MLXIPL: variants seen among roughly 807,000 people sequenced by gnomAD.
The protein encoded by MLXIPL is MLX interacting protein like.
MLXIPL carries 49 observed loss-of-function variants against 81.5 expected under a neutral mutation model. The observed-to-expected ratio is 0.60, with a 90% CI of 0.48 to 0.76. The LOEUF (loss-of-function observed/expected upper bound fraction) is 0.76. Ranked by LOEUF, MLXIPL falls within the 30% of genes least tolerant of loss-of-function variation. The pLI, the probability that MLXIPL is intolerant of heterozygous loss-of-function variation, is 0.00. For missense variants in MLXIPL, 1,053 were observed against 1,167.0 expected, an observed-to-expected ratio of 0.90 and a Z score of 1.42; for synonymous variants, 466 against 485.5, an observed-to-expected ratio of 0.96 and a Z score of 0.53.
chr7:73,602,207 T>C (rs1200532972), intron 7 of MLXIPL, among the ~76,000 whole-genome samples: 16 of 125,998 alleles, frequency 1.3e-4, no homozygotes, highest in African/African-American at 3.9e-4. Context: ...CTCTCTCTCT[T>C]TCTCTCTTTC....
chr7:73,643,769 CTTTAT>C, the MLXIPL span, among the ~76,000 whole-genome samples: 28 of 152,176 alleles, frequency 1.8e-4, no homozygotes, highest in East Asian at 3.9e-3. Context: ...ATAGTAGACA[CTTTAT>C]TTTATTTTTT....
At chr7:73,616,029 G>A in intron 2 of MLXIPL, 42 bp downstream of exon 2, 1 of 1,531,996 alleles carries the variant, frequency 6.5e-7, no homozygotes, top group Non-Finnish European at 9.0e-7. Flanking sequence ...GGTTGGAGGG[G>A]GCAGTCCCTC....
chr7:73,611,115 C>G (rs888369027), intron 2 of MLXIPL: 1 of 152,078 alleles, frequency 6.6e-6, no homozygotes, highest in Non-Finnish European at 1.5e-5. Context: ...TGAACCACCA[C>G]ATCCGGCCCT....
intron 8 of MLXIPL, 44 bp from the exon 9 acceptor site, chr7:73,597,757 G>A: frequency 1.5e-6 from 2 of 1,297,510 alleles, no homozygotes; most frequent in Non-Finnish European, 2.0e-6. Context: ...AGGGGAGAGA[G>A]CTGCCCCTGG....
At chr7:73,633,906 G>T in the MLXIPL span, among the ~76,000 whole-genome samples, 1 of 152,144 alleles carries the variant, frequency 6.6e-6, no homozygotes, top group Non-Finnish European at 1.5e-5. Context: ...TGGCATCTAG[G>T]TGCGGGGACG....
the MLXIPL span, among the ~76,000 whole-genome samples, chr7:73,640,074 T>A: frequency 7.0e-6 from 1 of 143,224 alleles, no homozygotes; most frequent in Non-Finnish European, 1.5e-5. Context: ...AAAATAAATA[T>A]AAATAAATAA....
the MLXIPL span, among the ~76,000 whole-genome samples, chr7:73,647,895 G>T: frequency 1.3e-5 from 2 of 151,132 alleles, no homozygotes; most frequent in African/African-American, 2.4e-5. Context: ...CCGCGCGGGC[G>T]GCAGAGGGCT....
At chr7:73,635,755 C>T in the MLXIPL span, among the ~76,000 whole-genome samples, 1 of 152,170 alleles carries the variant, frequency 6.6e-6, no homozygotes, top group East Asian at 1.9e-4. Flanking sequence ...TCCATCAGTC[C>T]ATTCATCTAC....
Position 73,597,693 on chromosome 7 carries a change from G to A in MLXIPL, c.1092C>T (p.Gly364=), listed in dbSNP as rs782322149. ...SRLQARNSCP[G]PLDSSAFLSS... Reference sequence around the variant, plus strand: ...TCAGGAAGGCGCTGGAGTCCAAGGGGCCAGGGCAGCTGTTCCGAGCCTGGT... The same window carrying A: ...TCAGGAAGGCGCTGGAGTCCAAGGGACCAGGGCAGCTGTTCCGAGCCTGGT... The change falls in exon 9 of 17, where the codon GGC becomes GGT. Residue 364 remains glycine (G), a synonymous_variant. Transcript: ENST00000313375. 1.4e-5 allele frequency: 19 copies of A among 1,362,010 alleles called. No individual in the cohort carries two copies. The South Asian group carries it at 4.2e-4, about 30-fold the overall frequency. 84.4% of individuals were successfully genotyped at this position (1,362,010 alleles called of 1,614,324 possible). A position where few individuals can be genotyped will look rare whatever the true frequency, so the allele number is the denominator to read the frequency against.
chr7:73,644,318 C>T, the MLXIPL span, among the ~76,000 whole-genome samples: 1 of 152,042 alleles, frequency 6.6e-6, no homozygotes, highest in African/African-American at 2.4e-5. Context: ...AGTGATTCTC[C>T]TGCCTTAGGA....
chr7:73,616,286 C>T (rs1796004677), intron 1 of MLXIPL, 109 bp from the exon 2 acceptor site: 2 of 1,016,562 alleles, frequency 2.0e-6, no homozygotes, highest in African/African-American at 1.6e-5. Context: ...ATTTGAGGGG[C>T]CCCTCCAAAT....
At chr7:73,615,288 C>G (rs1339533814) in intron 2 of MLXIPL, among the ~76,000 whole-genome samples, 1 of 152,032 alleles carries the variant, frequency 6.6e-6, no homozygotes, top group Non-Finnish European at 1.5e-5. Context: ...ATGGTGGGCA[C>G]CTACTGGATA....
intron 9 of MLXIPL, 105 bp downstream of exon 9, chr7:73,597,077 C>T: frequency 6.9e-7 from 1 of 1,451,758 alleles, no homozygotes; most frequent in Non-Finnish European, 9.4e-7. Context: ...GTCCCTTGAA[C>T]TGGACCTGCC....
intron 15 of MLXIPL, 50 bp downstream of exon 15, chr7:73,595,587 C>A: frequency 6.2e-7 from 1 of 1,613,946 alleles, no homozygotes; most frequent in Non-Finnish European, 8.5e-7. Flanking sequence ...CCTGGTCTCA[C>A]CCTGCCACAG....
rs782738251 is a variant in MLXIPL, at chr7:73,624,403, C to T, written c.90G>A (p.Glu30=). The change falls in exon 1 of 17, where the codon GAG becomes GAA. Residue 30 remains glutamate (E), a synonymous_variant. Transcript: ENST00000313375. ...CCGCGCTGCGCCGGAGACTCGGGTC[C>T]TCCGAGTCTGTGTCCGAGTCCGAGT... ...SPDSDSDTDS[E]DPSLRRSAGG... 4 of 1,566,672 alleles carry T rather than the reference C, an allele frequency of 2.6e-6. No individual in the cohort carries two copies. Among genetic ancestry groups the T allele is most frequent in the Middle Eastern group, 1.7e-4 (1 of 5,930 alleles).
chr7:73,597,135 C>G lies in MLXIPL; in HGVS notation c.1603+47G>C, dbSNP rs115063951. 8,757 of 1,550,612 alleles carry G rather than the reference C, an allele frequency of 5.6e-3. 433 individuals carry two copies. The African/African-American group carries it at 0.1, about 19-fold the overall frequency. ...CCAAAACCCCCTGTCCTCCCCACCC[C>G]CTGGCCTCCCTCCCCAGGCTTTCCT... On this transcript the variant is annotated intron_variant, in intron 9 of 16. Transcript: ENST00000313375.
chr7:73,636,579 C>T, the MLXIPL span, among the ~76,000 whole-genome samples: 4 of 152,088 alleles, frequency 2.6e-5, no homozygotes, highest in African/African-American at 4.8e-5. Context: ...GCTGCCATGT[C>T]CCCAGCTCCC....
Position 73,623,357 on chromosome 7 carries a change from C to T in MLXIPL, c.293+843G>A, listed in dbSNP as rs1437768492. Among the ~76,000 whole-genome samples, 3 of 152,248 alleles carry T rather than the reference C, an allele frequency of 2.0e-5. No individual in the cohort carries two copies. In the East Asian group the frequency reaches 5.8e-4, roughly 29 times the overall value. On this transcript the variant is annotated intron_variant, in intron 1 of 16. Transcript: ENST00000313375. This position sits in a 1 kb window ranked among gnomAD's most constrained non-coding sequence, Gnocchi z 5.7. Reference sequence around the variant, plus strand: ...TTGATAATTTATACTGGCCCCTCAACTCCGGGGAACTTTGCTCCAGGGCAC... The same window carrying T: ...TTGATAATTTATACTGGCCCCTCAATTCCGGGGAACTTTGCTCCAGGGCAC...
At chr7:73,601,162 C>A (rs1554596111) in intron 7 of MLXIPL, among the ~76,000 whole-genome samples, 1 of 146,322 alleles carries the variant, frequency 6.8e-6, no homozygotes, top group South Asian at 2.1e-4. Context: ...AACCCAGAAC[C>A]CACTGCAGGG....
Sources: gnomAD v4.1 joint callset for allele counts (sites outside exome capture counted in the v4.1 genomes callset) on GRCh38, gnomAD v4.1.1 for gene constraint, Gnocchi (gnomAD v3.1) non-coding constraint, MANE v1.5 for transcripts, NCBI Gene and HGNC (gene_info 2026-07-23, HGNC 2026-07-21) for gene names.